Variants in CNTN5 observed in about 807,000 individuals in gnomAD.
CNTN5 encodes the protein contactin 5.
In CNTN5, 77 loss-of-function variants were observed where a neutral mutation model predicts 129.1. The observed-to-expected ratio is 0.60, with a 90% CI of 0.50 to 0.72. The LOEUF (loss-of-function observed/expected upper bound fraction) is 0.72. CNTN5 is among the 30% of genes least tolerant of loss of function. The pLI is 0.00. For missense variants in CNTN5, 1,478 were observed against 1,328.8 expected, an observed-to-expected ratio of 1.11 and a Z score of -1.75; for synonymous variants, 509 against 465.6, an observed-to-expected ratio of 1.09 and a Z score of -1.20.
At chr11:99,313,455 G>A (rs1865204075) in intron 1 of CNTN5, among the ~76,000 whole-genome samples, 1 of 151,922 alleles carries the variant, frequency 6.6e-6, no homozygotes, top group Admixed American at 6.6e-5. Flanking sequence ...TTTACAGACA[G>A]CTGAAAATTT....
At chr11:99,113,272 C>A (rs2135387389) in intron 1 of CNTN5, among the ~76,000 whole-genome samples, 1 of 152,018 alleles carries the variant, frequency 6.6e-6, no homozygotes, top group African/African-American at 2.4e-5. Context: ...CACTTATCAC[C>A]CCTTAATTTA....
chr11:100,007,659 C>T (rs1007447793), intron 9 of CNTN5, among the ~76,000 whole-genome samples: 4 of 152,074 alleles, frequency 2.6e-5, no homozygotes, highest in African/African-American at 9.7e-5. Context: ...GTTTTGGCTT[C>T]AGGGAATGTT....
chr11:100,284,014 G>A (rs1209002640), intron 18 of CNTN5, among the ~76,000 whole-genome samples: 1 of 152,016 alleles, frequency 6.6e-6, no homozygotes, highest in Non-Finnish European at 1.5e-5. Flanking sequence ...GCTGAATTTG[G>A]TCTGGTTTTG....
intron 2 of CNTN5, among the ~76,000 whole-genome samples, chr11:99,512,181 AG>A (rs1428763584): frequency 6.6e-6 from 1 of 152,180 alleles, no homozygotes; most frequent in African/African-American, 2.4e-5. Context: ...AGCCCTAGAC[AG>A]GTATAGCATT....
intron 3 of CNTN5, among the ~76,000 whole-genome samples, chr11:99,692,666 A>AT (rs1954088564): frequency 1.3e-5 from 2 of 151,516 alleles, no homozygotes; most frequent in Non-Finnish European, 2.9e-5. Context: ...ATCCCTCAAT[A>AT]TTTTTTCTTT....
chr11:99,489,860 G>C (rs914558603), intron 2 of CNTN5, among the ~76,000 whole-genome samples: 6 of 152,092 alleles, frequency 3.9e-5, no homozygotes, highest in African/African-American at 1.4e-4. Flanking sequence ...GACAGACAGA[G>C]AGAGACAAAG....
rs369560126 is a variant in CNTN5, at chr11:99,934,872, C to CTGTGTGTG, written c.673+18743_673+18750dup. On this transcript the variant is annotated intron_variant, in intron 7 of 24. Transcript: ENST00000524871. ...CCTGGGCAACAGAGTGAGACTCAGT[C>CTGTGTGTG]TGTGTGTGTGTGTGTGTGTGTGTGT... Among the ~76,000 whole-genome samples, 147 of 50,014 alleles carry CTGTGTGTG rather than the reference C, an allele frequency of 2.9e-3. 5 individuals are homozygous for CTGTGTGTG. Among genetic ancestry groups the CTGTGTGTG allele is most frequent in the East Asian group, 6.2e-3 (7 of 1,130 alleles). The allele number at this position is 50,014 out of a possible 152,430, so 32.8% of individuals were successfully genotyped here.
chr11:99,084,407 C>A (rs556604528), intron 1 of CNTN5, among the ~76,000 whole-genome samples: 1 of 152,254 alleles, frequency 6.6e-6, no homozygotes, highest in South Asian at 2.1e-4. Flanking sequence ...TTTAATGTTT[C>A]CCAGAGCATA....
chr11:100,121,320 A>C (rs1231370255), intron 13 of CNTN5, among the ~76,000 whole-genome samples: 2 of 152,120 alleles, frequency 1.3e-5, no homozygotes, highest in Non-Finnish European at 1.5e-5. Flanking sequence ...GTTTTGTGAC[A>C]AAAGTCTGCC....
chr11:99,906,348 G>A (rs996708134), intron 6 of CNTN5, among the ~76,000 whole-genome samples: 1 of 152,032 alleles, frequency 6.6e-6, no homozygotes, highest in Non-Finnish European at 1.5e-5. Context: ...AGCATGAAGG[G>A]GTGGGGTGTT....
intron 13 of CNTN5, among the ~76,000 whole-genome samples, chr11:100,128,277 T>C (rs1485360967): frequency 2.6e-5 from 4 of 152,130 alleles, no homozygotes; most frequent in South Asian, 4.1e-4. Flanking sequence ...TATGTGTTCA[T>C]GTGCTTAAGC....
intron 2 of CNTN5, among the ~76,000 whole-genome samples, chr11:99,376,081 T>G (rs1376466637): frequency 3.3e-5 from 5 of 152,090 alleles, no homozygotes; most frequent in South Asian, 2.1e-4. Flanking sequence ...GAAAAAGAGA[T>G]AGTTTCAGCG....
intron 7 of CNTN5, among the ~76,000 whole-genome samples, chr11:99,942,801 G>A (rs1187328027): frequency 6.6e-6 from 1 of 151,968 alleles, no homozygotes; most frequent in Non-Finnish European, 1.5e-5. Flanking sequence ...TCCTGTGTTA[G>A]AATGCTGAGA....
At chr11:100,256,987 A>G (rs2138730984) in intron 17 of CNTN5, among the ~76,000 whole-genome samples, 1 of 152,282 alleles carries the variant, frequency 6.6e-6, no homozygotes, top group East Asian at 1.9e-4. Context: ...CTGAAGCCAG[A>G]GAGCCAAGTG....
At chr11:99,252,438 A>T (rs1021446960) in intron 1 of CNTN5, among the ~76,000 whole-genome samples, 2 of 151,860 alleles carry the variant, frequency 1.3e-5, no homozygotes, top group Non-Finnish European at 2.9e-5. Context: ...ATATTTCATC[A>T]ACCAGTAACA....
chr11:100,178,630 GT>G (rs1209316257), intron 13 of CNTN5, among the ~76,000 whole-genome samples: 1 of 152,212 alleles, frequency 6.6e-6, no homozygotes. Context: ...GACAGTTGTG[GT>G]TTTTCTTCCA....
intron 3 of CNTN5, among the ~76,000 whole-genome samples, chr11:99,764,101 A>G (rs955361292): frequency 1.3e-5 from 2 of 152,156 alleles, no homozygotes; most frequent in African/African-American, 2.4e-5. Flanking sequence ...ATCAATCTAC[A>G]AATATGTGAT....
intron 21 of CNTN5, among the ~76,000 whole-genome samples, chr11:100,334,844 T>C (rs1455453819): frequency 1.3e-5 from 2 of 152,074 alleles, no homozygotes; most frequent in Admixed American, 6.6e-5. Flanking sequence ...GCTTGGGTGA[T>C]AGGTGCACCA....
intron 1 of CNTN5, among the ~76,000 whole-genome samples, chr11:99,088,049 CT>C (rs1866072910): frequency 6.6e-6 from 1 of 152,140 alleles, no homozygotes; most frequent in East Asian, 1.9e-4. Flanking sequence ...TGTAAATAGC[CT>C]TTTTGGAGGA....
Sources: allele counts gnomAD v4.1 joint callset (sites outside exome capture counted in the v4.1 genomes callset), GRCh38; gene constraint gnomAD v4.1.1; transcripts MANE v1.5; gene names NCBI Gene and HGNC (gene_info 2026-07-23, HGNC 2026-07-21).